Variants in SHROOM3 observed in about 807,000 individuals in gnomAD.
SHROOM3 encodes shroom family member 3.
A neutral mutation model predicts 138.6 loss-of-function variants in SHROOM3; 47 were observed. The observed-to-expected ratio is 0.34, with a 90% CI of 0.27 to 0.43. SHROOM3 has a LOEUF of 0.43. Among genes scored for constraint, SHROOM3 ranks in the 20% least tolerant of loss-of-function variants. The pLI is 1.00. For synonymous variants in SHROOM3, 1,062 were observed against 1,063.3 expected (o/e 1.00, Z 0.02); for missense variants, 2,491 against 2,596.5 (o/e 0.96, Z 0.88).
In SHROOM3 at chr4:76,770,693, C is replaced by T. The variant is rs368829855; in HGVS notation, c.5417C>T (p.Thr1806Met). 46 of 1,614,164 alleles carry T rather than the reference C, an allele frequency of 2.8e-5. No homozygotes were observed. The highest frequency in any genetic ancestry group is 1.7e-4 in the Admixed American group (10 of 60,016). Residue 1806 changes from threonine to methionine, a missense_variant, in exon 10 of 11, where the codon ACG becomes ATG. By Grantham distance (81) the Thr-to-Met change is moderately conservative (BLOSUM62 -1). Transcript: ENST00000296043. Reference protein sequence around the residue: ...TLQEAKGSLLTDIKLNNALGE... With the variant: ...TLQEAKGSLLMDIKLNNALGE... ...CAGGAGGCGAAGGGGAGCCTGCTCACGGACATCAAGCTCAACAACGCCCTG... is the reference window on the plus strand; with the variant it reads ...CAGGAGGCGAAGGGGAGCCTGCTCATGGACATCAAGCTCAACAACGCCCTG...
At chr4:76,635,217 C>T (rs72661463) in intron 2 of SHROOM3, among the ~76,000 whole-genome samples, 13,556 of 152,168 alleles carry the variant, frequency 0.089, 609 homozygotes, top group East Asian at 0.14. Context: ...GACACCTTGC[C>T]TCTGACTGTC....
chr4:76,687,259 A>G (rs1211461165), intron 2 of SHROOM3, among the ~76,000 whole-genome samples: 1 of 152,216 alleles, frequency 6.6e-6, no homozygotes. Flanking sequence ...ACTTTCTCAC[A>G]AAATATTTTC....
chr4:76,585,975 G>T (rs1243961494), intron 2 of SHROOM3, among the ~76,000 whole-genome samples: 1 of 152,230 alleles, frequency 6.6e-6, no homozygotes, highest in Non-Finnish European at 1.5e-5. Context: ...ACAGCACGTC[G>T]TGTTTATGAG....
chr4:76,729,554 C>A (rs960158441), intron 3 of SHROOM3, among the ~76,000 whole-genome samples: 1 of 152,180 alleles, frequency 6.6e-6, no homozygotes, highest in Admixed American at 6.5e-5. Context: ...TTGGGAAGCT[C>A]TTCAGTGTCT....
intron 1 of SHROOM3, among the ~76,000 whole-genome samples, chr4:76,452,378 T>C (rs1404685720): frequency 6.6e-6 from 1 of 152,208 alleles, no homozygotes; most frequent in African/African-American, 2.4e-5. Flanking sequence ...AAAAACCAAT[T>C]CTCCATTCCT....
intron 2 of SHROOM3, among the ~76,000 whole-genome samples, chr4:76,601,966 C>T (rs745330298): frequency 2.0e-5 from 3 of 152,228 alleles, no homozygotes; most frequent in African/African-American, 4.8e-5. Context: ...GTTCACTTCT[C>T]AGCTGATTGG....
At chr4:76,771,084 G>A (rs1722343286) in intron 10 of SHROOM3, among the ~76,000 whole-genome samples, 186 bp downstream of exon 10, 1 of 152,174 alleles carries the variant, frequency 6.6e-6, no homozygotes, top group Non-Finnish European at 1.5e-5. Flanking sequence ...TATAATGCTG[G>A]CCAGGCGTGG....
intron 2 of SHROOM3, among the ~76,000 whole-genome samples, chr4:76,678,281 T>C (rs1719097774): frequency 6.6e-6 from 1 of 152,212 alleles, no homozygotes; most frequent in African/African-American, 2.4e-5. Flanking sequence ...TTTGTTGACA[T>C]AGAGCACCAA....
In SHROOM3 at chr4:76,603,590, C is replaced by CT. The variant is rs201458637; in HGVS notation, c.323+47835dup. ...ATCTTGTATTCTTTCTTTTCTTCTT[C>CT]TTTTTTTTAATATTTTAAGTTCTAG... On this transcript the variant is annotated intron_variant, in intron 2 of 10. Coordinates refer to ENST00000296043, the MANE Select transcript of SHROOM3 (RefSeq NM_020859.4). Among the ~76,000 whole-genome samples, 1,020 of 151,724 alleles carry CT rather than the reference C, an allele frequency of 6.7e-3. 5 individuals carry two copies. Among genetic ancestry groups the CT allele is most frequent in the African/African-American group, 0.023 (932 of 41,398 alleles).
intron 1 of SHROOM3, among the ~76,000 whole-genome samples, chr4:76,554,408 T>G (rs991003475): frequency 4.8e-5 from 7 of 146,416 alleles, no homozygotes; most frequent in Non-Finnish European, 1.0e-4. Flanking sequence ...TTTTTGTTGT[T>G]TTTTGTTTGT....
At chr4:76,743,781 C>T (rs1448585825) in intron 5 of SHROOM3, among the ~76,000 whole-genome samples, 1 of 152,194 alleles carries the variant, frequency 6.6e-6, no homozygotes, top group East Asian at 1.9e-4. Flanking sequence ...TTCCCATAAG[C>T]CTTCAGTAGC....
chr4:76,554,351 G>A (rs1733432580), intron 1 of SHROOM3, among the ~76,000 whole-genome samples: 1 of 151,104 alleles, frequency 6.6e-6, no homozygotes, highest in African/African-American at 2.4e-5. Flanking sequence ...TGTATCCAAT[G>A]AATTATAATT....
At position 76,502,189 on chromosome 4, in the gene SHROOM3, C is replaced by T. The variant is rs115578318; in HGVS notation, c.169-53420C>T. On this transcript the variant is annotated intron_variant, in intron 1 of 10. Coordinates refer to ENST00000296043, the MANE Select transcript of SHROOM3 (RefSeq NM_020859.4). Reference sequence around the variant, plus strand: ...TCCCCGCCATCAAGAAAGCCCTCACCGGATGCAGCCCCTACACCGTGGGCT... The same window carrying T: ...TCCCCGCCATCAAGAAAGCCCTCACTGGATGCAGCCCCTACACCGTGGGCT... Among the ~76,000 whole-genome samples, 1,334 of 152,270 alleles carry T rather than the reference C, an allele frequency of 8.8e-3. 16 individuals carry two copies. Among genetic ancestry groups the T allele is most frequent in the African/African-American group, 0.03 (1,266 of 41,536 alleles).
chr4:76,501,775 C>T (rs1157782994), intron 1 of SHROOM3, among the ~76,000 whole-genome samples: 2 of 152,198 alleles, frequency 1.3e-5, no homozygotes, highest in Admixed American at 6.5e-5. Context: ...AACACATCTG[C>T]ATGCCAGCAG....
At chr4:76,474,912 G>A (rs1203602762) in intron 1 of SHROOM3, among the ~76,000 whole-genome samples, 3 of 151,788 alleles carry the variant, frequency 2.0e-5, no homozygotes, top group African/African-American at 7.3e-5. Flanking sequence ...GGGTGACAGA[G>A]TGAGACTCTG....
Position 76,775,816 on chromosome 4 carries a change from T to TAC in SHROOM3, c.5623-2977_5623-2976dup, listed in dbSNP as rs142788916. Among the ~76,000 whole-genome samples, 701 of 149,646 alleles carry TAC rather than the reference T, an allele frequency of 4.7e-3. 2 individuals carry two copies. Among genetic ancestry groups the TAC allele is most frequent in the South Asian group, 0.012 (58 of 4,690 alleles). On this transcript the variant is annotated intron_variant, in intron 10 of 10. Transcript: ENST00000296043. ...TATATATACACACATACTATATATA[T>TAC]ACACACACACACACACATACATATA...
intron 2 of SHROOM3, among the ~76,000 whole-genome samples, chr4:76,606,829 T>A (rs1734633063): frequency 6.6e-6 from 1 of 152,204 alleles, no homozygotes; most frequent in Non-Finnish European, 1.5e-5. Context: ...TACATAGTAT[T>A]GTACTGGGTA....
chr4:76,627,663 CTT>C (rs35935280), intron 2 of SHROOM3, among the ~76,000 whole-genome samples: 25 of 141,762 alleles, frequency 1.8e-4, no homozygotes, highest in African/African-American at 1.6e-4. Flanking sequence ...TTGCAAAAGT[CTT>C]TTTTTTTTTT....
intron 1 of SHROOM3, among the ~76,000 whole-genome samples, chr4:76,441,550 T>C (rs926662693): frequency 6.6e-6 from 1 of 152,214 alleles, no homozygotes; most frequent in Admixed American, 6.5e-5. Context: ...ACTTTTTCCC[T>C]TTCTTGCTTT....
Sources: gnomAD v4.1 joint callset for allele counts (sites outside exome capture counted in the v4.1 genomes callset) on GRCh38, gnomAD v4.1.1 for gene constraint, MANE v1.5 for transcripts, NCBI Gene and HGNC (gene_info 2026-07-23, HGNC 2026-07-21) for gene names.